The following CLSTN2 variants were observed in gnomAD, a reference collection of about 807,000 sequenced individuals.
CLSTN2 encodes the protein calsyntenin-2.
In CLSTN2, 48 loss-of-function variants were observed where a neutral mutation model predicts 101.2. That is an observed-to-expected ratio of 0.47 (90% CI 0.38 to 0.60). CLSTN2 has a LOEUF of 0.60. CLSTN2 is among the 20% of genes least tolerant of loss of function. The pLI is 0.00. For synonymous variants in CLSTN2, 481 were observed against 463.6 expected (o/e 1.04, Z -0.48); for missense variants, 1,160 against 1,238.2 (o/e 0.94, Z 0.95).
chr3:140,296,922 T>A (rs1178466801), intron 2 of CLSTN2, among the ~76,000 whole-genome samples: 1 of 151,730 alleles, frequency 6.6e-6, no homozygotes, highest in East Asian at 1.9e-4. Context: ...CCAGCAGGAG[T>A]GGTCAGGCCC....
intron 8 of CLSTN2, among the ~76,000 whole-genome samples, chr3:140,467,661 C>T (rs73231213): frequency 0.095 from 14,431 of 152,068 alleles, 938 homozygotes; most frequent in African/African-American, 0.18. Flanking sequence ...TTCTTTACTT[C>T]GTCCAAAGCC....
intron 2 of CLSTN2, among the ~76,000 whole-genome samples, chr3:140,245,803 G>A (rs1698861576): frequency 6.6e-6 from 1 of 152,226 alleles, no homozygotes; most frequent in South Asian, 2.1e-4. Context: ...CAGTCTTCCT[G>A]ACTTCAGGGA....
At position 140,407,451 on chromosome 3, in the gene CLSTN2, C is replaced by A. The variant is rs1236423755; in HGVS notation, c.637+2685C>A. Among the ~76,000 whole-genome samples, 5 of 152,150 alleles carry A rather than the reference C, an allele frequency of 3.3e-5. No homozygotes were observed. The South Asian group carries it at 6.2e-4, about 19-fold the overall frequency. ...TCTTCCTACCAGAGGCCCTCAGACT[C>A]CCTCCCTTTGAATTCCTCCCCATGA... On this transcript the variant is annotated intron_variant, in intron 4 of 16. Transcript: ENST00000458420.
chr3:140,469,214 G>A (rs935600447), intron 8 of CLSTN2, among the ~76,000 whole-genome samples: 3 of 152,142 alleles, frequency 2.0e-5, no homozygotes, highest in African/African-American at 7.2e-5. Context: ...ATATGAATTT[G>A]GGAGAGGCAC....
At chr3:140,098,893 AG>A (rs1193321777) in intron 1 of CLSTN2, among the ~76,000 whole-genome samples, 1 of 152,188 alleles carries the variant, frequency 6.6e-6, no homozygotes, top group Non-Finnish European at 1.5e-5. Context: ...CAAAAAGAAA[AG>A]TGGAGACACT....
intron 1 of CLSTN2, among the ~76,000 whole-genome samples, chr3:140,066,255 T>G (rs2008297229): frequency 1.3e-5 from 2 of 152,236 alleles, no homozygotes; most frequent in African/African-American, 2.4e-5. Flanking sequence ...CCTGTCTGTC[T>G]GCAGTCCCAG....
intron 2 of CLSTN2, among the ~76,000 whole-genome samples, chr3:140,190,894 C>G (rs528021235): frequency 7.9e-5 from 12 of 151,966 alleles, no homozygotes; most frequent in Non-Finnish European, 1.5e-4. Context: ...CTTTCTGATC[C>G]TTTGGGTTTT....
At chr3:140,525,457 A>C (rs1035992519) in intron 8 of CLSTN2, among the ~76,000 whole-genome samples, 1 of 152,126 alleles carries the variant, frequency 6.6e-6, no homozygotes, top group African/African-American at 2.4e-5. Flanking sequence ...TACTAACCAA[A>C]AAGAGCCCTA....
intron 5 of CLSTN2, among the ~76,000 whole-genome samples, chr3:140,435,691 G>A (rs2088678956): frequency 6.6e-6 from 1 of 152,158 alleles, no homozygotes; most frequent in Admixed American, 6.5e-5. Flanking sequence ...CACCAACAGT[G>A]TACAAGGGTT....
chr3:140,571,726 G>A lies in CLSTN2; in HGVS notation c.*5473G>A, dbSNP rs1402522572. 6.6e-6 allele frequency: 1 copy of A among 152,216 alleles called. No homozygotes were observed. The highest frequency in any genetic ancestry group is 1.5e-5 in the Non-Finnish European group (1 of 68,044). The allele number at this position is 152,216 out of a possible 1,614,324, so 9.4% of individuals were successfully genotyped here. A position where few individuals can be genotyped will look rare whatever the true frequency, so the allele number is the denominator to read the frequency against. On this transcript the variant is annotated 3_prime_UTR_variant, in exon 17 of 17. Coordinates refer to ENST00000458420, the MANE Select transcript of CLSTN2 (RefSeq NM_022131.3). ...TCTTTATTTCCTTTACTTTATAGAT[G>A]TATTCTATACCTGCTATGTAGATAA...
intron 1 of CLSTN2, among the ~76,000 whole-genome samples, chr3:140,012,083 A>G (rs2007087660): frequency 6.6e-6 from 1 of 152,132 alleles, no homozygotes; most frequent in African/African-American, 2.4e-5. Flanking sequence ...AGTAAGGTGC[A>G]CAAGGAAGAT....
intron 1 of CLSTN2, among the ~76,000 whole-genome samples, chr3:139,961,036 G>A (rs1057234004): frequency 1.3e-5 from 2 of 151,978 alleles, no homozygotes; most frequent in African/African-American, 2.4e-5. Context: ...CCAAATACCC[G>A]CCTTGGGCAC....
At chr3:139,972,543 A>C (rs547394498) in intron 1 of CLSTN2, among the ~76,000 whole-genome samples, 1 of 152,100 alleles carries the variant, frequency 6.6e-6, no homozygotes, top group Non-Finnish European at 1.5e-5. Context: ...CTATTCTCAG[A>C]GTTTTGCTCT....
At chr3:140,241,675 A>C (rs1338527856) in intron 2 of CLSTN2, among the ~76,000 whole-genome samples, 1 of 151,902 alleles carries the variant, frequency 6.6e-6, no homozygotes, top group Non-Finnish European at 1.5e-5. Flanking sequence ...CTGGGGATAT[A>C]CTAGAGGACA....
chr3:140,377,541 A>G (rs890797755), intron 2 of CLSTN2, among the ~76,000 whole-genome samples: 1 of 152,176 alleles, frequency 6.6e-6, no homozygotes, highest in Non-Finnish European at 1.5e-5. Context: ...GGCCTAGGCT[A>G]ATGTGTGTGT....
At chr3:139,974,544 G>A (rs55690305) in intron 1 of CLSTN2, among the ~76,000 whole-genome samples, 7 of 152,252 alleles carry the variant, frequency 4.6e-5, no homozygotes, top group South Asian at 2.1e-4. Flanking sequence ...GAAAAGCAAC[G>A]TTTCCAGGGA....
At chr3:140,091,811 G>A (rs73226936) in intron 1 of CLSTN2, among the ~76,000 whole-genome samples, 206 of 152,220 alleles carry the variant, frequency 1.4e-3, no homozygotes, top group Non-Finnish European at 1.9e-3. Flanking sequence ...TTATGAATGG[G>A]AACAATAGCC....
intron 8 of CLSTN2, among the ~76,000 whole-genome samples, chr3:140,491,786 C>T (rs541982126): frequency 2.2e-4 from 34 of 152,296 alleles, no homozygotes; most frequent in Non-Finnish European, 4.0e-4. Flanking sequence ...TGCACCACTG[C>T]ACTCCAGCCT....
At chr3:139,948,488 A>T (rs1935246228) in intron 1 of CLSTN2, among the ~76,000 whole-genome samples, 2 of 152,048 alleles carry the variant, frequency 1.3e-5, no homozygotes, top group African/African-American at 4.8e-5. Flanking sequence ...AAAGAAAAAA[A>T]AATTGTTACT....
Sources: gnomAD v4.1 joint callset for allele counts (sites outside exome capture counted in the v4.1 genomes callset) on GRCh38, gnomAD v4.1.1 for gene constraint, MANE v1.5 for transcripts, NCBI Gene and HGNC (gene_info 2026-07-23, HGNC 2026-07-21) for gene names.